Variants in KCNN2 observed in about 807,000 individuals in gnomAD.
KCNN2 encodes potassium calcium-activated channel subfamily N member 2.
In KCNN2, 24 loss-of-function variants were observed where a neutral mutation model predicts 55.5. That is an observed-to-expected ratio of 0.43 (90% CI 0.31 to 0.61). The LOEUF is 0.61. KCNN2 is among the 20% of genes least tolerant of loss of function. KCNN2 has a pLI of 0.08. For missense variants in KCNN2, 754 were observed against 853.6 expected, an observed-to-expected ratio of 0.88 and a Z score of 1.45; for synonymous variants, 431 against 336.1, an observed-to-expected ratio of 1.28 and a Z score of -3.09.
intron 2 of KCNN2, among the ~76,000 whole-genome samples, chr5:114,386,022 A>AAT: frequency 6.6e-6 from 1 of 151,804 alleles, no homozygotes; most frequent in Middle Eastern, 3.4e-3. Context: ...ATTAAAAAAA[A>AAT]ATACAAAAAA....
chr5:114,368,904 A>G (rs867996183), intron 2 of KCNN2, among the ~76,000 whole-genome samples: 3 of 152,018 alleles, frequency 2.0e-5, no homozygotes, highest in Admixed American at 6.5e-5. Flanking sequence ...ATCCTATTCT[A>G]TGGATGTACT....
intron 2 of KCNN2, among the ~76,000 whole-genome samples, chr5:114,349,080 C>T (rs892271475): frequency 6.6e-6 from 1 of 152,074 alleles, no homozygotes; most frequent in Admixed American, 6.6e-5. Flanking sequence ...TCTCCTTCCC[C>T]CCAGCCCAAG....
intron 1 of KCNN2, among the ~76,000 whole-genome samples, chr5:114,129,872 A>T (rs1303362525): frequency 6.6e-5 from 10 of 152,172 alleles, no homozygotes; most frequent in African/African-American, 9.7e-5. Flanking sequence ...TTCCTGGTAG[A>T]ATCCCTTCTT....
chr5:114,264,008 G>A (rs948126333), intron 2 of KCNN2, among the ~76,000 whole-genome samples: 25 of 152,178 alleles, frequency 1.6e-4, no homozygotes, highest in African/African-American at 6.0e-4. Context: ...CTACCACCCA[G>A]CTGTGTAGTG....
intron 5 of KCNN2, among the ~76,000 whole-genome samples, chr5:114,486,424 T>C (rs1469453512): frequency 6.6e-6 from 1 of 152,234 alleles, no homozygotes; most frequent in Non-Finnish European, 1.5e-5. Flanking sequence ...GCAGTGTTAC[T>C]GCAGTGCTTT....
chr5:114,416,582 T>G (rs1379881407), intron 3 of KCNN2, among the ~76,000 whole-genome samples: 1 of 152,186 alleles, frequency 6.6e-6, no homozygotes, highest in Non-Finnish European at 1.5e-5. Context: ...GATTTTGACA[T>G]ACGATATTCT....
chr5:114,350,732 A>T (rs757824915), intron 2 of KCNN2, among the ~76,000 whole-genome samples: 1 of 151,880 alleles, frequency 6.6e-6, no homozygotes, highest in Non-Finnish European at 1.5e-5. Flanking sequence ...CCAATGAATT[A>T]TCTAGGCACC....
chr5:114,074,308 G>A (rs1032564269), intron 1 of KCNN2, among the ~76,000 whole-genome samples: 14 of 146,538 alleles, frequency 9.6e-5, no homozygotes, highest in African/African-American at 3.7e-4. Context: ...GTGTGTGTGT[G>A]TGTGTGTGTG....
chr5:114,438,492 C>T (rs1034961505), intron 3 of KCNN2, among the ~76,000 whole-genome samples: 33 of 152,170 alleles, frequency 2.2e-4, no homozygotes, highest in South Asian at 1.4e-3. Context: ...AGGGGCTTAG[C>T]AGCTAGAATC....
chr5:114,142,625 A>C (rs1422117049), intron 1 of KCNN2, among the ~76,000 whole-genome samples: 2 of 152,216 alleles, frequency 1.3e-5, no homozygotes, highest in African/African-American at 4.8e-5. Context: ...ACTGCTTCAA[A>C]GAGAATAAAA....
At chr5:114,149,547 C>T (rs957835267) in intron 1 of KCNN2, among the ~76,000 whole-genome samples, 7 of 151,916 alleles carry the variant, frequency 4.6e-5, no homozygotes, top group South Asian at 2.1e-4. Flanking sequence ...TTAGTGAGGG[C>T]GGGGGTAGGT....
intron 2 of KCNN2, among the ~76,000 whole-genome samples, chr5:114,330,318 G>A (rs1211552480): frequency 6.6e-6 from 1 of 152,138 alleles, no homozygotes. Flanking sequence ...TAATTCACAT[G>A]TACACACTCA....
chr5:114,135,599 G>A (rs538018679), intron 1 of KCNN2, among the ~76,000 whole-genome samples: 8 of 152,264 alleles, frequency 5.3e-5, no homozygotes, highest in Non-Finnish European at 1.2e-4. Context: ...CTACATGCCC[G>A]TGTATAAAGC....
chr5:114,081,677 A>G (rs1750822363), intron 1 of KCNN2, among the ~76,000 whole-genome samples: 1 of 152,190 alleles, frequency 6.6e-6, no homozygotes, highest in Non-Finnish European at 1.5e-5. Context: ...TTAGAAGAAA[A>G]CATTGCAAAA....
chr5:114,434,970 G>A (rs1759952288), intron 3 of KCNN2, among the ~76,000 whole-genome samples: 1 of 152,132 alleles, frequency 6.6e-6, no homozygotes, highest in African/African-American at 2.4e-5. Context: ...AAAATGTTCT[G>A]GGCTTATAAA....
At chr5:114,480,124 T>C (rs981124436) in intron 5 of KCNN2, among the ~76,000 whole-genome samples, 2 of 151,016 alleles carry the variant, frequency 1.3e-5, no homozygotes, top group Non-Finnish European at 1.5e-5. Flanking sequence ...GACCACTAGA[T>C]AGACAAAGAA....
chr5:114,277,195 C>A (rs1353454782), intron 2 of KCNN2, among the ~76,000 whole-genome samples: 1 of 152,172 alleles, frequency 6.6e-6, no homozygotes. Flanking sequence ...AGGGTTTCTG[C>A]AGAGAGATCA....
intron 2 of KCNN2, among the ~76,000 whole-genome samples, chr5:114,316,810 G>GACACAGGTCTGGCCATCTGT (rs1261579797): frequency 3.9e-5 from 6 of 152,106 alleles, no homozygotes; most frequent in Admixed American, 3.3e-4. Context: ...TGTGTGTATG[G>GACACAGGTCTGGCCATCTGT]ACTCAGGTCT....
At chr5:114,220,216 A>G (rs1476503555) in intron 1 of KCNN2, among the ~76,000 whole-genome samples, 1 of 152,208 alleles carries the variant, frequency 6.6e-6, no homozygotes, top group African/African-American at 2.4e-5. Context: ...ATAATACATT[A>G]GAAATGTGTA....
Sources: allele counts gnomAD v4.1 joint callset (sites outside exome capture counted in the v4.1 genomes callset), GRCh38; gene constraint gnomAD v4.1.1; transcripts MANE v1.5; gene names NCBI Gene and HGNC (gene_info 2026-07-23, HGNC 2026-07-21).